Variants in GALNT18 observed in about 807,000 individuals in gnomAD.
The protein encoded by GALNT18 is GalNAc-transferase 18.
A neutral mutation model predicts 69.5 loss-of-function variants in GALNT18; 44 were observed. The observed-to-expected ratio is 0.63, with a 90% CI of 0.50 to 0.81. GALNT18 has a LOEUF of 0.81. Ranked by LOEUF, GALNT18 falls within the 40% of genes least tolerant of loss-of-function variation. GALNT18 has a pLI of 0.00. For missense variants in GALNT18, 715 were observed against 810.0 expected, an observed-to-expected ratio of 0.88 and a Z score of 1.42; for synonymous variants, 364 against 318.2, an observed-to-expected ratio of 1.14 and a Z score of -1.53.
At chr11:11,553,846 C>A (rs970152233) in intron 1 of GALNT18, among the ~76,000 whole-genome samples, 3 of 152,182 alleles carry the variant, frequency 2.0e-5, no homozygotes, top group Admixed American at 6.5e-5. Flanking sequence ...TGCAAGTCCA[C>A]AGTGTAGCTG....
intron 1 of GALNT18, among the ~76,000 whole-genome samples, chr11:11,482,857 T>TA (rs1356499274): frequency 6.8e-6 from 1 of 147,880 alleles, no homozygotes; most frequent in Non-Finnish European, 1.5e-5. Flanking sequence ...GCTACAAAGC[T>TA]ATCCCTTGCT....
At chr11:11,484,260 G>C (rs1290166019) in intron 1 of GALNT18, among the ~76,000 whole-genome samples, 1 of 152,158 alleles carries the variant, frequency 6.6e-6, no homozygotes, top group Non-Finnish European at 1.5e-5. Flanking sequence ...GACCACCAGA[G>C]ACCTAAGCTA....
chr11:11,367,845 T>A (rs1416658057), intron 6 of GALNT18, among the ~76,000 whole-genome samples: 1 of 152,214 alleles, frequency 6.6e-6, no homozygotes, highest in Non-Finnish European at 1.5e-5. Context: ...TACATGTATG[T>A]ACTTTTTGTC....
intron 10 of GALNT18, among the ~76,000 whole-genome samples, chr11:11,290,865 G>A (rs1849284718): frequency 6.6e-6 from 1 of 152,116 alleles, no homozygotes; most frequent in South Asian, 2.1e-4. Flanking sequence ...GACAGTCTGA[G>A]GCATGAAGAC....
intron 1 of GALNT18, among the ~76,000 whole-genome samples, chr11:11,539,637 C>G (rs1451897765): frequency 6.6e-6 from 1 of 152,158 alleles, no homozygotes; most frequent in African/African-American, 2.4e-5. Flanking sequence ...AGGGAAACTG[C>G]CCACTTGGGA....
At position 11,620,506 on chromosome 11, in the gene GALNT18, T is replaced by C. The variant is rs933757232; in HGVS notation, c.235+853A>G. 2.1e-4 allele frequency among the ~76,000 whole-genome samples: 32 copies of C among 151,980 alleles called. No homozygotes were observed. The highest frequency in any genetic ancestry group is 3.4e-4 in the Non-Finnish European group (23 of 67,994). ...CACCCAACCAGCGTAACCTTACACT[T>C]CAGACCCAACCCAGGTCTGCTCAGC... is the stretch of plus-strand genomic sequence containing the variant. On this transcript the variant is annotated intron_variant, in intron 1 of 10. Coordinates refer to ENST00000227756, the MANE Select transcript of GALNT18 (RefSeq NM_198516.3). The surrounding 1 kb of genome is among the most constrained non-coding windows in gnomAD (Gnocchi z 6.9).
At chr11:11,588,715 T>C (rs1323320860) in intron 1 of GALNT18, among the ~76,000 whole-genome samples, 1 of 152,238 alleles carries the variant, frequency 6.6e-6, no homozygotes, top group Admixed American at 6.5e-5. Context: ...ACAGGTAATC[T>C]GGCTTCACTG....
intron 6 of GALNT18, among the ~76,000 whole-genome samples, chr11:11,370,907 GT>G (rs1228375136): frequency 2.0e-5 from 3 of 152,188 alleles, no homozygotes; most frequent in Admixed American, 2.0e-4. Flanking sequence ...AAAATATTAT[GT>G]TTGGGGTGAG....
chr11:11,468,179 A>G (rs12364654), intron 1 of GALNT18, among the ~76,000 whole-genome samples: 16,310 of 152,270 alleles, frequency 0.11, 973 homozygotes, highest in Non-Finnish European at 0.13. Flanking sequence ...ATATGTTATC[A>G]TTCTCCTCTG....
intron 1 of GALNT18, among the ~76,000 whole-genome samples, chr11:11,472,021 G>A (rs1397761888): frequency 6.6e-6 from 1 of 152,228 alleles, no homozygotes; most frequent in African/African-American, 2.4e-5. Flanking sequence ...CCACTTGCAG[G>A]AAACAATTTG....
chr11:11,581,520 ACCTCCCCTCCT>A lies in GALNT18; in HGVS notation c.235+39828_235+39838del, dbSNP rs753032934. On this transcript the variant is annotated intron_variant, in intron 1 of 10. Coordinates refer to ENST00000227756, the MANE Select transcript of GALNT18 (RefSeq NM_198516.3). ...GCACGCTACAGTGAGACCCCAGCTG[ACCTCCCCTCCT>A]CCTCCCCTGCCCCCTCCCCATGACA... Among the ~76,000 whole-genome samples, 364 of 151,196 alleles carry A rather than the reference ACCTCCCCTCCT, an allele frequency of 2.4e-3. 3 individuals are homozygous for A. The highest frequency in any genetic ancestry group is 0.014 in the Middle Eastern group (4 of 294).
intron 3 of GALNT18, among the ~76,000 whole-genome samples, chr11:11,407,441 G>A (rs1002484744): frequency 1.3e-5 from 2 of 152,210 alleles, no homozygotes; most frequent in African/African-American, 2.4e-5. Flanking sequence ...CACCACCGCT[G>A]AGACACAGCC....
At chr11:11,343,647 C>T (rs1000487228) in intron 6 of GALNT18, among the ~76,000 whole-genome samples, 1 of 152,172 alleles carries the variant, frequency 6.6e-6, no homozygotes, top group East Asian at 1.9e-4. Context: ...TCTATGAAAG[C>T]CTGTGAATCC....
intron 1 of GALNT18, among the ~76,000 whole-genome samples, chr11:11,508,614 C>A (rs1317164907): frequency 6.6e-6 from 1 of 152,216 alleles, no homozygotes; most frequent in Non-Finnish European, 1.5e-5. Flanking sequence ...TTATTGTAAT[C>A]CCTCCCTTAC....
intron 1 of GALNT18, among the ~76,000 whole-genome samples, chr11:11,499,377 C>T (rs1264894631): frequency 6.6e-6 from 1 of 152,140 alleles, no homozygotes; most frequent in African/African-American, 2.4e-5. Flanking sequence ...AAAGTCTTTC[C>T]TCATCTGTTC....
intron 9 of GALNT18, among the ~76,000 whole-genome samples, chr11:11,324,915 A>G (rs984762834): frequency 6.6e-6 from 1 of 152,238 alleles, no homozygotes; most frequent in Non-Finnish European, 1.5e-5. Context: ...TGGGAATATA[A>G]ATTAGTACAA....
intron 9 of GALNT18, among the ~76,000 whole-genome samples, chr11:11,303,630 A>G (rs547921130): frequency 4.5e-4 from 68 of 151,802 alleles, no homozygotes; most frequent in Non-Finnish European, 8.7e-4. Flanking sequence ...GCTCATACAC[A>G]CCAGACTTGG....
In GALNT18 at chr11:11,309,711, G is replaced by A. The variant is rs1325785939; in HGVS notation, c.1513-16518C>T. 6.6e-6 allele frequency among the ~76,000 whole-genome samples: 1 copy of A among 151,972 alleles called. No homozygotes were observed. Among genetic ancestry groups the A allele is most frequent in the African/African-American group, 2.4e-5 (1 of 41,334 alleles). Reference sequence around the variant, plus strand: ...ACACAACCTAGTATTACTTCTTTGGGTACCTGCTCAGCAGCTGAGCCACTT... The same window carrying A: ...ACACAACCTAGTATTACTTCTTTGGATACCTGCTCAGCAGCTGAGCCACTT... On this transcript the variant is annotated intron_variant, in intron 9 of 10. Coordinates refer to ENST00000227756, the MANE Select transcript of GALNT18 (RefSeq NM_198516.3). This position sits in a 1 kb window ranked among gnomAD's most constrained non-coding sequence, Gnocchi z 4.6.
chr11:11,332,588 G>C lies in GALNT18; in HGVS notation c.1416+106C>G, dbSNP rs1850035292. 2 of 1,348,988 alleles carry C rather than the reference G, an allele frequency of 1.5e-6. No individual in the cohort carries two copies. The highest frequency in any genetic ancestry group is 2.1e-6 in the Non-Finnish European group (2 of 968,094). 83.6% of individuals were successfully genotyped at this position (1,348,988 alleles called of 1,614,324 possible). ...GCGCCCGGTCCCCAGGCCTACTGCA[G>C]TTCTTCATGTGAGCAGCTGAGAGGC... On this transcript the variant is annotated intron_variant, in intron 8 of 10. Coordinates refer to ENST00000227756, the MANE Select transcript of GALNT18 (RefSeq NM_198516.3). This position sits in a 1 kb window ranked among gnomAD's most constrained non-coding sequence, Gnocchi z 4.3.
Sources: allele counts gnomAD v4.1 joint callset (sites outside exome capture counted in the v4.1 genomes callset), GRCh38; gene constraint gnomAD v4.1.1; non-coding constraint Gnocchi (gnomAD v3.1); transcripts MANE v1.5; gene names NCBI Gene and HGNC (gene_info 2026-07-23, HGNC 2026-07-21).